The following AGGF1 variants were observed in gnomAD, a reference collection of about 807,000 sequenced individuals.
The protein encoded by AGGF1 is angiogenic factor with G-patch and FHA domains 1, also known as angiogenic factor with G patch and FHA domains 1.
In AGGF1, 56 loss-of-function variants were observed where a neutral mutation model predicts 86.5. That is an observed-to-expected ratio of 0.65 (90% CI 0.52 to 0.81). The LOEUF (loss-of-function observed/expected upper bound fraction) is 0.81, where lower values mean the gene tolerates loss of function less well. Among genes scored for constraint, AGGF1 ranks in the 30% least tolerant of loss-of-function variants. The pLI is 0.00. For synonymous variants in AGGF1, 313 were observed against 297.1 expected (o/e 1.05, Z -0.55); for missense variants, 816 against 850.9 (o/e 0.96, Z 0.51).
intron 1 of AGGF1, 36 bp downstream of exon 1, chr5:77,031,012 C>T: frequency 6.2e-7 from 1 of 1,608,022 alleles, no homozygotes; most frequent in Non-Finnish European, 8.5e-7. Flanking sequence ...CCCCATCCAG[C>T]CCAGGCGAGG....
chr5:77,031,133 C>T lies in AGGF1; in HGVS notation c.210+157C>T, dbSNP rs1746842997. On this transcript the variant is annotated intron_variant, in intron 1 of 13. Coordinates refer to ENST00000312916, the MANE Select transcript of AGGF1 (RefSeq NM_018046.5). The stretch of plus-strand genomic sequence containing the variant: ...CTCAGCGCAGTTACAATTCCAAGTA[C>T]CTTAGGAGCAAACCTGAGTTCAGGT... Among the ~76,000 whole-genome samples the T allele has an allele frequency of 2.0e-5, 3 of 152,172 alleles. No homozygotes were observed. The South Asian group carries it at 6.2e-4, about 32-fold the overall frequency.
At chr5:77,051,632 CAGTT>C (rs1457444339) in intron 8 of AGGF1, among the ~76,000 whole-genome samples, 1 of 152,124 alleles carries the variant, frequency 6.6e-6, no homozygotes, top group Non-Finnish European at 1.5e-5. Context: ...CTTTGGAAAA[CAGTT>C]ATGTAGTAAA....
At chr5:77,034,552 CTG>C (rs1300635449) in intron 2 of AGGF1, 32 bp downstream of exon 2, 6 of 1,331,824 alleles carry the variant, frequency 4.5e-6, no homozygotes, top group African/African-American at 1.4e-5. Context: ...TATGCTAACA[CTG>C]TTACATTCAA....
intron 8 of AGGF1, 127 bp downstream of exon 8, chr5:77,049,114 A>G: frequency 1.2e-6 from 1 of 807,674 alleles, no homozygotes; most frequent in South Asian, 1.5e-5. Flanking sequence ...AATGGTAATA[A>G]AGGCAGTGCA....
In AGGF1 at chr5:77,030,688, TG is replaced by T; in HGVS notation, c.-77del. The T allele has an allele frequency of 6.7e-7, 1 of 1,481,668 alleles. No individual in the cohort carries two copies. The highest frequency in any genetic ancestry group is 9.1e-7 in the Non-Finnish European group (1 of 1,102,230). 91.8% of individuals were successfully genotyped at this position (1,481,668 alleles called of 1,614,324 possible). A position where few individuals can be genotyped will look rare whatever the true frequency, so the allele number is the denominator to read the frequency against. ...GCCTTTCGCTGCCCGCGCGCTCCAG[TG>T]GTCTCTGGGTCCGCCGGCGTCCGTT... On this transcript the variant is annotated 5_prime_UTR_variant, in exon 1 of 14. It removes the in-frame stop codon of an upstream open reading frame in the 5' UTR. Transcript: ENST00000312916.
intron 13 of AGGF1, 111 bp from the exon 14 acceptor site, chr5:77,062,941 T>G: frequency 9.1e-7 from 1 of 1,099,230 alleles, no homozygotes; most frequent in Non-Finnish European, 1.4e-6. Context: ...AGGTTTTTCT[T>G]TTGCATCAAT....
intron 9 of AGGF1, among the ~76,000 whole-genome samples, chr5:77,053,036 T>C (rs1298563788): frequency 6.6e-6 from 1 of 152,246 alleles, no homozygotes; most frequent in Non-Finnish European, 1.5e-5. Context: ...TTTTCAGTTA[T>C]GACTCCATTG....
rs1561285615 is a variant in AGGF1, at chr5:77,041,790, TTTA to T, written c.870+2074_870+2076del. Among the ~76,000 whole-genome samples, 486 of 93,868 alleles carry T rather than the reference TTTA, an allele frequency of 5.2e-3. 17 individuals are homozygous for T. The highest frequency in any genetic ancestry group is 0.023 in the African/African-American group (453 of 19,404). The allele number at this position is 93,868 out of a possible 152,430, so 61.6% of individuals were successfully genotyped here. Reference sequence around the variant, plus strand: ...AATTCCAAGACAAGAACTTTTTTTATTTATTTATTTATTTATTTATTTATTTTT... The same window carrying T: ...AATTCCAAGACAAGAACTTTTTTTATTTTATTTATTTATTTATTTATTTTT... On this transcript the variant is annotated intron_variant, in intron 5 of 13. Coordinates refer to ENST00000312916, the MANE Select transcript of AGGF1 (RefSeq NM_018046.5).
chr5:77,059,746 A>G lies in AGGF1; in HGVS notation c.1844+3A>G, dbSNP rs1420223668. On this transcript the variant is annotated splice_donor_region_variant and intron_variant, in intron 12 of 13. Transcript: ENST00000312916. The stretch of plus-strand genomic sequence containing the variant: ...GATGCTCCTGCATCTGTTCATTCGT[A>G]AGTTTTGAATTACAGTGGCTCGAAA... The G allele has an allele frequency of 3.1e-6, 5 of 1,613,682 alleles. No individual in the cohort carries two copies. In the Admixed American group the frequency reaches 5.0e-5, roughly 16 times the overall value.
chr5:77,046,560 A>G lies in AGGF1; in HGVS notation c.1084A>G (p.Met362Val), dbSNP rs776419935. The change falls in exon 6 of 14, where the codon ATG becomes GTG. Residue 362 changes from methionine to valine, a missense_variant. Around this residue, in one of 3 missense-constraint regions of AGGF1, gnomAD observed 565 missense variants for 585.8 expected, o/e 0.96. Transcript: ENST00000312916. ...AACATCATTTAAAGATGAGAAAATC[A>G]TGGAGACTGATAGTGAACCAGAGGA... ...NSTSFKDEKIMETDSEPEEGE... is the reference protein window; with the variant it reads ...NSTSFKDEKIVETDSEPEEGE... 3.7e-6 allele frequency: 6 copies of G among 1,613,750 alleles called. No homozygotes were observed. The East Asian group carries it at 6.7e-5, about 18-fold the overall frequency.
At chr5:77,045,108 A>G (rs907539358) in intron 5 of AGGF1, among the ~76,000 whole-genome samples, 7 of 151,990 alleles carry the variant, frequency 4.6e-5, no homozygotes, top group Admixed American at 2.6e-4. Flanking sequence ...ATGCTCTCAT[A>G]TTTTATAAAA....
intron 10 of AGGF1, among the ~76,000 whole-genome samples, chr5:77,055,010 G>A (rs1413554261): frequency 2.0e-5 from 3 of 152,082 alleles, no homozygotes; most frequent in African/African-American, 7.2e-5. Context: ...AATTTAAATA[G>A]ATGCTTTGAA....
chr5:77,031,577 GTTAATAC>G (rs1250638807), intron 1 of AGGF1, among the ~76,000 whole-genome samples: 1 of 152,146 alleles, frequency 6.6e-6, no homozygotes, highest in Non-Finnish European at 1.5e-5. Flanking sequence ...AGGGGCAAAT[GTTAATAC>G]TTAAACTGTC....
chr5:77,033,920 G>T (rs1312715712), intron 1 of AGGF1, among the ~76,000 whole-genome samples: 1 of 152,134 alleles, frequency 6.6e-6, no homozygotes, highest in Non-Finnish European at 1.5e-5. Flanking sequence ...CTCTCAGGCC[G>T]TCACCTTCCC....
Position 77,035,531 on chromosome 5 carries a change from T to G in AGGF1, c.314-10T>G. ...ATATGATACGATTTCACTTCATTTT[T>G]TTGCTACAGATTATTTTTATCAGAC... On this transcript the variant is annotated splice_polypyrimidine_tract_variant and intron_variant, in intron 2 of 13. Coordinates refer to ENST00000312916, the MANE Select transcript of AGGF1 (RefSeq NM_018046.5). 1 of 1,600,792 alleles carries G rather than the reference T, an allele frequency of 6.2e-7. No homozygotes were observed. The highest frequency in any genetic ancestry group is 1.3e-5 in the African/African-American group (1 of 74,748).
chr5:77,050,203 A>C (rs921072259), intron 8 of AGGF1, among the ~76,000 whole-genome samples: 1 of 151,898 alleles, frequency 6.6e-6, no homozygotes, highest in Non-Finnish European at 1.5e-5. Flanking sequence ...AAATAAAACA[A>C]CACCTAATCT....
intron 1 of AGGF1, among the ~76,000 whole-genome samples, chr5:77,033,458 G>A (rs576655578): frequency 1.3e-4 from 20 of 152,302 alleles, no homozygotes; most frequent in Admixed American, 1.3e-3. Context: ...TAGTGATAGG[G>A]ACAGTAGCCA....
chr5:77,056,482 C>T (rs1334561173), intron 11 of AGGF1, among the ~76,000 whole-genome samples: 2 of 151,608 alleles, frequency 1.3e-5, no homozygotes, highest in Non-Finnish European at 2.9e-5. Flanking sequence ...CCCACCTTCG[C>T]CTCCCAAAGT....
Position 77,030,413 on chromosome 5 carries a change from T to C in AGGF1, c.-354T>C, listed in dbSNP as rs1043310314. ...CCCGCCTGCCGCTGGCGCCGTTGTT[T>C]CCGGCTCAACTGGGGAGCTGCTGGA... On this transcript the variant is annotated 5_prime_UTR_variant, in exon 1 of 14. Coordinates refer to ENST00000312916, the MANE Select transcript of AGGF1 (RefSeq NM_018046.5). The C allele has an allele frequency of 4.0e-6, 2 of 500,336 alleles. No individual in the cohort carries two copies. The highest frequency in any genetic ancestry group is 3.9e-6 in the Non-Finnish European group (1 of 256,632). The allele number at this position is 500,336 out of a possible 1,614,324, so 31.0% of individuals were successfully genotyped here.
Sources: gnomAD v4.1 joint callset for allele counts (sites outside exome capture counted in the v4.1 genomes callset) on GRCh38, gnomAD v4.1.1 for gene constraint, gnomAD v4.1.1 regional missense constraint, MANE v1.5 for transcripts, NCBI Gene and HGNC (gene_info 2026-07-23, HGNC 2026-07-21) for gene names.